The following TENM2 variants were observed in gnomAD, a reference collection of about 807,000 sequenced individuals.
TENM2 encodes the protein teneurin transmembrane protein 2.
Under a neutral mutation model 245.2 loss-of-function variants are expected in TENM2, and 52 were observed. The ratio of observed to expected loss-of-function variants is 0.21; its 90% confidence interval spans 0.17 to 0.27. TENM2 has a LOEUF of 0.27. Ranked by LOEUF, TENM2 falls within the 10% of genes least tolerant of loss-of-function variation. The pLI is 1.00. For synonymous variants in TENM2, 1,363 were observed against 1,438.9 expected, an observed-to-expected ratio of 0.95 and a Z score of 1.19; for missense variants, 3,046 against 3,666.8, an observed-to-expected ratio of 0.83 and a Z score of 4.37.
chr5:167,493,957 G>A (rs149954802), intron 2 of TENM2, among the ~76,000 whole-genome samples: 9 of 152,202 alleles, frequency 5.9e-5, no homozygotes, highest in Middle Eastern at 3.4e-3. Flanking sequence ...TGATATGATC[G>A]TATACTTGGG....
At chr5:167,078,910 G>A in the TENM2 span, among the ~76,000 whole-genome samples, 1 of 152,086 alleles carries the variant, frequency 6.6e-6, no homozygotes, top group African/African-American at 2.4e-5. Flanking sequence ...GCAGTACCAT[G>A]CTTGGGGGCC....
At chr5:168,236,955 TA>T (rs1765491723) in intron 25 of TENM2, among the ~76,000 whole-genome samples, 6 of 4,142 alleles carry the variant, frequency 1.4e-3, no homozygotes, top group Non-Finnish European at 3.0e-3. Context: ...TATATATATA[TA>T]TATATATATA....
intron 2 of TENM2, among the ~76,000 whole-genome samples, chr5:167,734,010 C>T (rs1475681884): frequency 6.6e-6 from 1 of 152,146 alleles, no homozygotes; most frequent in African/African-American, 2.4e-5. Flanking sequence ...CCCAGGTTTC[C>T]TTGACTTCAG....
the TENM2 span, among the ~76,000 whole-genome samples, chr5:167,207,244 G>A: frequency 6.6e-6 from 1 of 152,250 alleles, no homozygotes; most frequent in Non-Finnish European, 1.5e-5. Flanking sequence ...AACACGTGAT[G>A]GTGCGAGGTC....
the TENM2 span, among the ~76,000 whole-genome samples, chr5:167,199,724 C>T: frequency 6.6e-5 from 10 of 151,978 alleles, no homozygotes; most frequent in Admixed American, 6.6e-5. Context: ...TTTCTCATAT[C>T]GTTTTGACAT....
the TENM2 span, among the ~76,000 whole-genome samples, chr5:167,033,154 G>C: frequency 6.6e-6 from 1 of 152,148 alleles, no homozygotes; most frequent in Non-Finnish European, 1.5e-5. Context: ...ACAAGATGCA[G>C]GTTAGTAATA....
the TENM2 span, among the ~76,000 whole-genome samples, chr5:167,151,979 T>C: frequency 6.6e-6 from 1 of 152,206 alleles, no homozygotes; most frequent in Non-Finnish European, 1.5e-5. Flanking sequence ...TACGGCTTTT[T>C]CACATGCTCC....
At chr5:167,597,827 T>C (rs1444414228) in intron 2 of TENM2, among the ~76,000 whole-genome samples, 1 of 152,228 alleles carries the variant, frequency 6.6e-6, no homozygotes, top group Non-Finnish European at 1.5e-5. Context: ...TCTCTCATAA[T>C]TACCCATATA....
intron 2 of TENM2, among the ~76,000 whole-genome samples, chr5:167,515,645 ATATACACATATATACGTATATATG>A (rs1770301729): frequency 7.5e-6 from 1 of 132,816 alleles, no homozygotes; most frequent in Admixed American, 7.5e-5. Flanking sequence ...ATATGTATAT[ATATACACATATATACGTATATATG>A]TGTATATATA....
the TENM2 span, among the ~76,000 whole-genome samples, chr5:167,147,244 CT>C: frequency 1.3e-5 from 2 of 152,300 alleles, no homozygotes; most frequent in South Asian, 4.1e-4. Flanking sequence ...AATGAAGGAT[CT>C]GAGCCTGCTC....
chr5:167,683,400 T>C (rs1259207173), intron 2 of TENM2, among the ~76,000 whole-genome samples: 2 of 152,218 alleles, frequency 1.3e-5, no homozygotes, highest in South Asian at 2.1e-4. Context: ...CAAATGTCAC[T>C]AACCTCTTAA....
chr5:167,974,022 A>AGGGAG (rs1299828112), intron 4 of TENM2, among the ~76,000 whole-genome samples: 2 of 66,314 alleles, frequency 3.0e-5, no homozygotes, highest in African/African-American at 2.1e-4. Context: ...GGAGGGAGGG[A>AGGGAG]GGAAGGAAGG....
Position 168,227,885 on chromosome 5 carries a change from AT to A in TENM2, c.5285-5del. On this transcript the variant is annotated splice_polypyrimidine_tract_variant and intron_variant, in intron 24 of 28. Transcript: ENST00000518659. ...TTTCCCTATCCCCACCCCCACTTAC[AT>A]TTTTCCAGATCAAGTTCGGAACAGC... is the stretch of plus-strand genomic sequence containing the variant. 2 of 1,572,596 alleles carry A rather than the reference AT, an allele frequency of 1.3e-6. No homozygotes were observed. The highest frequency in any genetic ancestry group is 1.7e-5 in the Admixed American group (1 of 58,150).
intron 14 of TENM2, among the ~76,000 whole-genome samples, chr5:168,191,333 C>T (rs1448241362): frequency 6.6e-6 from 1 of 152,174 alleles, no homozygotes; most frequent in African/African-American, 2.4e-5. Context: ...CTTTTCTATG[C>T]ACTACGTATG....
At chr5:167,337,863 T>C (rs1757872774) in intron 1 of TENM2, among the ~76,000 whole-genome samples, 1 of 152,188 alleles carries the variant, frequency 6.6e-6, no homozygotes, top group African/African-American at 2.4e-5. Flanking sequence ...CCAATCTCAA[T>C]ATGTGTTTTA....
the TENM2 span, among the ~76,000 whole-genome samples, chr5:167,042,510 A>C: frequency 6.6e-6 from 1 of 152,204 alleles, no homozygotes; most frequent in Admixed American, 6.5e-5. Context: ...TGTGGAATCA[A>C]AGAAGAATTT....
the TENM2 span, among the ~76,000 whole-genome samples, chr5:167,150,545 T>A: frequency 6.6e-6 from 1 of 152,210 alleles, no homozygotes; most frequent in South Asian, 2.1e-4. Flanking sequence ...TAATAATAGC[T>A]AACACTCACA....
chr5:167,826,832 A>T (rs2151070287), intron 2 of TENM2, among the ~76,000 whole-genome samples: 1 of 152,362 alleles, frequency 6.6e-6, no homozygotes, highest in South Asian at 2.1e-4. Context: ...GATCATGCAC[A>T]TTGAGGTGCT....
At chr5:167,456,698 T>G (rs1765945090) in intron 2 of TENM2, among the ~76,000 whole-genome samples, 1 of 152,246 alleles carries the variant, frequency 6.6e-6, no homozygotes, top group Admixed American at 6.5e-5. Flanking sequence ...ATAAATGAGC[T>G]TATCTATTTC....
Sources: gnomAD v4.1 joint callset for allele counts (sites outside exome capture counted in the v4.1 genomes callset) on GRCh38, gnomAD v4.1.1 for gene constraint, MANE v1.5 for transcripts, NCBI Gene and HGNC (gene_info 2026-07-23, HGNC 2026-07-21) for gene names.